Variants in CECR2 observed in about 807,000 individuals in gnomAD.
The protein encoded by CECR2 is CECR2 histone acetyl-lysine reader, also known as chromatin remodeling regulator CECR2.
CECR2 carries 30 observed loss-of-function variants against 154.5 expected under a neutral mutation model. The observed-to-expected ratio is 0.19, with a 90% confidence interval of 0.15 to 0.26. CECR2 has a LOEUF of 0.26. Among genes scored for constraint, CECR2 ranks in the 10% least tolerant of loss-of-function variants. CECR2 has a pLI of 1.00. For missense variants in CECR2, 1,743 were observed against 1,829.3 expected (o/e 0.95, Z 0.86); for synonymous variants, 725 against 683.7 (o/e 1.06, Z -0.94).
chr22:17,498,159 G>A (rs2055665115), intron 3 of CECR2, among the ~76,000 whole-genome samples: 1 of 152,296 alleles, frequency 6.6e-6, no homozygotes, highest in African/African-American at 2.4e-5. Context: ...GGGAGGCCAA[G>A]GCAGGCAGAT....
Position 17,538,570 on chromosome 22 carries a change from TC to T in CECR2, c.1276+14del, listed in dbSNP as rs1404144143. 6.2e-7 allele frequency: 1 copy of T among 1,613,718 alleles called. No individual in the cohort carries two copies. The highest frequency in any genetic ancestry group is 8.5e-7 in the Non-Finnish European group (1 of 1,179,608). ...GCTATGTATAAAGGTTAGTTCCCAT[TC>T]TCCACTGTTCTGTTTGTGATAGAAG... On this transcript the variant is annotated intron_variant, in intron 11 of 18. Transcript: ENST00000262608.
chr22:17,523,791 C>T (rs909287011), intron 8 of CECR2, among the ~76,000 whole-genome samples: 2 of 151,166 alleles, frequency 1.3e-5, no homozygotes, highest in Admixed American at 6.6e-5. Context: ...AAAAGCTTCC[C>T]TTTATCAGAT....
chr22:17,388,685 C>T (rs1478739823), intron 1 of CECR2, among the ~76,000 whole-genome samples: 2 of 152,128 alleles, frequency 1.3e-5, no homozygotes, highest in Non-Finnish European at 2.9e-5. Flanking sequence ...GAAGTGAAAG[C>T]AATTCAGTTT....
At chr22:17,492,260 A>C (rs941968779) in intron 2 of CECR2, among the ~76,000 whole-genome samples, 2 of 152,244 alleles carry the variant, frequency 1.3e-5, no homozygotes, top group Admixed American at 1.3e-4. Flanking sequence ...TCCCCTGTAG[A>C]GAGACCATGG....
intron 1 of CECR2, chr22:17,428,660 T>C (rs1243047712): frequency 1.3e-5 from 2 of 152,288 alleles, no homozygotes; most frequent in East Asian, 3.9e-4. Flanking sequence ...TTAAATTAAA[T>C]AGAGACATGG....
intron 9 of CECR2, among the ~76,000 whole-genome samples, chr22:17,530,696 AAAC>A (rs59849033): frequency 0.019 from 2,851 of 152,124 alleles, 67 homozygotes; most frequent in African/African-American, 0.065. Flanking sequence ...AGAAAAAAAA[AAAC>A]AACAGAAGGC....
At chr22:17,443,300 C>T (rs1025363784) in intron 1 of CECR2, among the ~76,000 whole-genome samples, 1 of 151,970 alleles carries the variant, frequency 6.6e-6, no homozygotes, top group Non-Finnish European at 1.5e-5. Context: ...TTGCTCTGGG[C>T]GATTTCTCTA....
At chr22:17,530,409 C>T (rs899057156) in intron 9 of CECR2, among the ~76,000 whole-genome samples, 9 of 151,856 alleles carry the variant, frequency 5.9e-5, no homozygotes, top group African/African-American at 1.7e-4. Flanking sequence ...CGCGGTGGCT[C>T]ACGCCTGTAA....
chr22:17,366,457 G>C (rs942626269), upstream of CECR2, among the ~76,000 whole-genome samples: 1 of 152,194 alleles, frequency 6.6e-6, no homozygotes, highest in Non-Finnish European at 1.5e-5. Flanking sequence ...AAAGTGCTGA[G>C]ATTACAGGCG....
chr22:17,524,021 A>G, intron 8 of CECR2, 97 bp from the exon 9 acceptor site: 1 of 951,854 alleles, frequency 1.1e-6, no homozygotes, highest in East Asian at 2.6e-5. Context: ...CCTAGCTAAT[A>G]TTATTTGTTG....
chr22:17,394,989 C>T (rs1437399129), intron 1 of CECR2, among the ~76,000 whole-genome samples: 1 of 151,992 alleles, frequency 6.6e-6, no homozygotes, highest in Non-Finnish European at 1.5e-5. Context: ...CAAATGCATT[C>T]CTTTTAAGTA....
intron 1 of CECR2, among the ~76,000 whole-genome samples, chr22:17,445,371 A>G (rs1394739726): frequency 6.6e-6 from 1 of 152,112 alleles, no homozygotes; most frequent in African/African-American, 2.4e-5. Context: ...ATTGGATGCC[A>G]TAACAGTTTA....
rs572712907 is a variant in CECR2, at chr22:17,481,049, T to TAAAAAAAAAAAAAAAAAAAAAAAAA, written c.221+3379_221+3380insAAAAAAAAAAAAAAAAAAAAAAAAA. Among the ~76,000 whole-genome samples, 227 of 91,992 alleles carry TAAAAAAAAAAAAAAAAAAAAAAAAA rather than the reference T, an allele frequency of 2.5e-3. 17 individuals carry two copies. The highest frequency in any genetic ancestry group is 3.4e-3 in the Non-Finnish European group (143 of 41,668). The allele number at this position is 91,992 out of a possible 152,430, so 60.4% of individuals were successfully genotyped here. ...AGTGAGACTCCATCTCTTTTTTTTTTAAAAAAAAAAAAGGCCGGGCACGGT... is the reference window on the plus strand; with the variant it reads ...AGTGAGACTCCATCTCTTTTTTTTTTAAAAAAAAAAAAAAAAAAAAAAAAAAAAAAAAAAAAAGGCCGGGCACGGT... On this transcript the variant is annotated intron_variant, in intron 2 of 18. Coordinates refer to ENST00000262608, the MANE Select transcript of CECR2 (RefSeq NM_001290047.2).
intron 2 of CECR2, among the ~76,000 whole-genome samples, chr22:17,496,000 A>AC (rs1222099709): frequency 1.3e-5 from 2 of 152,216 alleles, no homozygotes; most frequent in Middle Eastern, 3.4e-3. Flanking sequence ...ATATAGTGAG[A>AC]CCCCATATGG....
intron 8 of CECR2, among the ~76,000 whole-genome samples, chr22:17,513,004 T>A (rs928029044): frequency 2.0e-5 from 3 of 152,036 alleles, no homozygotes; most frequent in African/African-American, 7.2e-5. Flanking sequence ...AGATATAATG[T>A]TAGGTGAAGA....
chr22:17,554,685 A>G lies in CECR2; in HGVS notation c.*1845A>G, dbSNP rs745819854. On this transcript the variant is annotated 3_prime_UTR_variant, in exon 19 of 19. Transcript: ENST00000262608. ...CAGATTTTCTCTCAGAGAGGTTTTAATTTTAAATTTGATGTATTTGCAAGT... is the reference window on the plus strand; with the variant it reads ...CAGATTTTCTCTCAGAGAGGTTTTAGTTTTAAATTTGATGTATTTGCAAGT... 8.5e-5 allele frequency: 13 copies of G among 152,158 alleles called. No homozygotes were observed. Among genetic ancestry groups the G allele is most frequent in the Non-Finnish European group, 1.9e-4 (13 of 68,028 alleles). The allele number at this position is 152,158 out of a possible 1,614,324, so 9.4% of individuals were successfully genotyped here.
intron 17 of CECR2, among the ~76,000 whole-genome samples, chr22:17,550,045 T>C (rs1410102948): frequency 6.6e-6 from 1 of 152,148 alleles, no homozygotes; most frequent in African/African-American, 2.4e-5. Context: ...GTATTAAACT[T>C]AGAGCCCAAC....
chr22:17,498,023 G>A (rs925539245), intron 3 of CECR2, among the ~76,000 whole-genome samples: 3 of 152,144 alleles, frequency 2.0e-5, no homozygotes, highest in Non-Finnish European at 2.9e-5. Flanking sequence ...ACACATCCAC[G>A]TTACAAAAAA....
At chr22:17,500,768 C>T (rs1375372597) in intron 5 of CECR2, 33 bp downstream of exon 5, 2 of 1,420,046 alleles carry the variant, frequency 1.4e-6, no homozygotes, top group Non-Finnish European at 1.9e-6. Flanking sequence ...GGTCATAGAC[C>T]ATGGCAGAAG....
Sources: allele counts gnomAD v4.1 joint callset (sites outside exome capture counted in the v4.1 genomes callset), GRCh38; gene constraint gnomAD v4.1.1; transcripts MANE v1.5; gene names NCBI Gene and HGNC (gene_info 2026-07-23, HGNC 2026-07-21).